Variants in IQUB observed in about 807,000 individuals in gnomAD.
IQUB encodes IQ motif and ubiquitin-like domain-containing protein.
In IQUB, 86 loss-of-function variants were observed where a neutral mutation model predicts 86.4. The ratio of observed to expected loss-of-function variants is 1.00; its 90% CI spans 0.84 to 1.19. IQUB has a LOEUF of 1.19. Ranked by LOEUF, IQUB falls within the 50% of genes most tolerant of loss-of-function variation. The probability of loss-of-function intolerance (pLI) is 0.00; values close to 1 mark genes in which losing one functional copy is unlikely to be tolerated. For synonymous variants in IQUB, 289 were observed against 304.5 expected, an observed-to-expected ratio of 0.95 and a Z score of 0.53; for missense variants, 946 against 916.9, an observed-to-expected ratio of 1.03 and a Z score of -0.41.
At chr7:123,456,408 T>C (rs1165357037) in intron 12 of IQUB, among the ~76,000 whole-genome samples, 1 of 152,138 alleles carries the variant, frequency 6.6e-6, no homozygotes, top group Non-Finnish European at 1.5e-5. Context: ...TAACATTTAA[T>C]ACAGCTTCAA....
intron 1 of IQUB, among the ~76,000 whole-genome samples, chr7:123,524,495 G>A (rs1477312395): frequency 6.7e-6 from 1 of 148,712 alleles, no homozygotes; most frequent in Non-Finnish European, 1.5e-5. Flanking sequence ...TCATGATTTG[G>A]CTCTCTGTCT....
intron 3 of IQUB, among the ~76,000 whole-genome samples, chr7:123,507,069 C>T (rs1279435686): frequency 6.6e-6 from 1 of 152,142 alleles, no homozygotes; most frequent in African/African-American, 2.4e-5. Flanking sequence ...AAATTTATGG[C>T]CCTTCTAAAT....
At chr7:123,464,669 T>G (rs765599743) in intron 10 of IQUB, among the ~76,000 whole-genome samples, 164 bp downstream of exon 10, 1 of 151,914 alleles carries the variant, frequency 6.6e-6, no homozygotes, top group Non-Finnish European at 1.5e-5. Flanking sequence ...GTAAGTTTAA[T>G]TTACCAACAT....
chr7:123,528,991 G>A (rs527476493), intron 1 of IQUB, among the ~76,000 whole-genome samples: 63 of 152,170 alleles, frequency 4.1e-4, no homozygotes, highest in African/African-American at 1.4e-3. Context: ...AATGTAAAAT[G>A]TGATCTTCCA....
chr7:123,485,500 TA>T (rs1795181489), intron 7 of IQUB, among the ~76,000 whole-genome samples: 2 of 152,118 alleles, frequency 1.3e-5, no homozygotes, highest in African/African-American at 4.8e-5. Flanking sequence ...TAACCACAAA[TA>T]TTTTTAAGCA....
chr7:123,499,532 A>T (rs866158207), intron 6 of IQUB, among the ~76,000 whole-genome samples: 3 of 152,238 alleles, frequency 2.0e-5, no homozygotes, highest in Non-Finnish European at 2.9e-5. Flanking sequence ...GAAAGGGTAC[A>T]TCACCAAGTC....
At chr7:123,529,548 C>T (rs562005247) in intron 1 of IQUB, among the ~76,000 whole-genome samples, 1 of 150,470 alleles carries the variant, frequency 6.6e-6, no homozygotes, top group East Asian at 1.9e-4. Flanking sequence ...AAAGATCGAA[C>T]TTTTAAATGC....
intron 8 of IQUB, among the ~76,000 whole-genome samples, chr7:123,471,564 T>C (rs913096609): frequency 2.0e-5 from 3 of 152,210 alleles, no homozygotes; most frequent in Admixed American, 6.5e-5. Flanking sequence ...ACAATAACCT[T>C]TTTATGAAAC....
intron 7 of IQUB, among the ~76,000 whole-genome samples, chr7:123,493,834 A>G (rs1795597414): frequency 6.7e-6 from 1 of 150,224 alleles, no homozygotes; most frequent in Admixed American, 6.7e-5. Context: ...TTTGGTGAAT[A>G]TATATACATA....
chr7:123,452,479 G>T lies in IQUB; in HGVS notation c.*264C>A. On this transcript the variant is annotated 3_prime_UTR_variant, in exon 13 of 13. Coordinates refer to ENST00000324698, the MANE Select transcript of IQUB (RefSeq NM_178827.5). ...CTTGAAAAAATTTAAAAAATTTAAT[G>T]TGAAAACACATTTTAAAATGTTTTC... 1 of 245,750 alleles carries T rather than the reference G, an allele frequency of 4.1e-6. No individual in the cohort carries two copies. The highest frequency in any genetic ancestry group is 7.7e-6 in the Non-Finnish European group (1 of 130,388). The allele number at this position is 245,750 out of a possible 1,614,324, so 15.2% of individuals were successfully genotyped here. A position where few individuals can be genotyped will look rare whatever the true frequency, so the allele number is the denominator to read the frequency against.
chr7:123,488,234 G>A lies in IQUB; in HGVS notation c.1235-8264C>T, dbSNP rs377370009. The stretch of plus-strand genomic sequence containing the variant: ...CCGGCGCCTGTAGTCCCAGCTACTC[G>A]GGAGGCTGAGGCAGGAGAATGGTGT... On this transcript the variant is annotated intron_variant, in intron 7 of 12. Transcript: ENST00000324698. 9.2e-5 allele frequency among the ~76,000 whole-genome samples: 14 copies of A among 151,816 alleles called. No individual in the cohort carries two copies. The East Asian group carries it at 1.7e-3, about 19-fold the overall frequency.
In IQUB at chr7:123,534,567, T is replaced by G. The variant is rs1312645652; in HGVS notation, c.-80A>C. ...AGACGCAGCTTCCATACTCGCCGCG[T>G]TCTCAGCTGTTGGTCGTATCCTAGC... On this transcript the variant is annotated 5_prime_UTR_variant, in exon 1 of 13. Coordinates refer to ENST00000324698, the MANE Select transcript of IQUB (RefSeq NM_178827.5). 1 of 153,890 alleles carries G rather than the reference T, an allele frequency of 6.5e-6. No homozygotes were observed. Among genetic ancestry groups the G allele is most frequent in the Non-Finnish European group, 1.5e-5 (1 of 68,836 alleles). The allele number at this position is 153,890 out of a possible 1,614,324, so 9.5% of individuals were successfully genotyped here.
chr7:123,500,881 T>A (rs539521829), intron 6 of IQUB, among the ~76,000 whole-genome samples: 3 of 152,220 alleles, frequency 2.0e-5, no homozygotes, highest in African/African-American at 4.8e-5. Flanking sequence ...TGTCCTTGTA[T>A]ATTTATACTT....
intron 1 of IQUB, among the ~76,000 whole-genome samples, chr7:123,522,862 C>T (rs1272513673): frequency 8.5e-6 from 1 of 117,310 alleles, no homozygotes; most frequent in Admixed American, 1.0e-4. Context: ...CCTCCCCCCA[C>T]CCCACAACAG....
At chr7:123,489,165 G>A (rs1346639347) in intron 7 of IQUB, among the ~76,000 whole-genome samples, 1 of 152,234 alleles carries the variant, frequency 6.6e-6, no homozygotes, top group East Asian at 1.9e-4. Context: ...AAACATTCTG[G>A]GGCATAAATA....
chr7:123,504,861 C>T (rs912466694), intron 3 of IQUB, among the ~76,000 whole-genome samples: 6 of 152,190 alleles, frequency 3.9e-5, no homozygotes, highest in African/African-American at 1.4e-4. Context: ...AGTATTAACT[C>T]ATTTCAGCAA....
In IQUB at chr7:123,466,795, T is replaced by TTA. The variant is rs1323844791; in HGVS notation, c.1582-1788_1582-1787dup. On this transcript the variant is annotated intron_variant, in intron 9 of 12. Coordinates refer to ENST00000324698, the MANE Select transcript of IQUB (RefSeq NM_178827.5). ...AAATATGGCTGATAGTTTTCAGTTG[T>TTA]TATATATAGTGAACCACTGATTTTC... Among the ~76,000 whole-genome samples, 5 of 152,252 alleles carry TTA rather than the reference T, an allele frequency of 3.3e-5. No homozygotes were observed. In the East Asian group the frequency reaches 7.8e-4, roughly 24 times the overall value.
At chr7:123,493,721 ATGTGTGTGTATGTGTGTGTGTGTGTGTG>A (rs1795581044) in intron 7 of IQUB, among the ~76,000 whole-genome samples, 2 of 128,408 alleles carry the variant, frequency 1.6e-5, no homozygotes, top group East Asian at 2.2e-4. Context: ...CCTGAGAGAA[ATGTGTGTGTATGTGTGTGTGTGTGTGTG>A]TGTGTGTGTG....
chr7:123,476,887 A>C (rs892417165), intron 8 of IQUB, among the ~76,000 whole-genome samples: 9 of 151,936 alleles, frequency 5.9e-5, no homozygotes, highest in Non-Finnish European at 1.3e-4. Flanking sequence ...CAAGGGATGT[A>C]AAGGACCTCT....
Sources: gnomAD v4.1 joint callset for allele counts (sites outside exome capture counted in the v4.1 genomes callset) on GRCh38, gnomAD v4.1.1 for gene constraint, MANE v1.5 for transcripts, NCBI Gene and HGNC (gene_info 2026-07-23, HGNC 2026-07-21) for gene names.